MGMT: variants seen among roughly 807,000 people sequenced by gnomAD.
MGMT encodes the protein methylated-DNA--protein-cysteine methyltransferase.
In MGMT, 14 loss-of-function variants were observed where a neutral mutation model predicts 15.9. The ratio of observed to expected loss-of-function variants is 0.88; its 90% CI spans 0.58 to 1.37. The LOEUF is 1.37. Among genes scored for constraint, MGMT ranks in the 40% most tolerant of loss-of-function variants. The probability of loss-of-function intolerance (pLI) is 0.00; values close to 1 mark genes in which losing one functional copy is unlikely to be tolerated. For missense variants in MGMT, 282 were observed against 268.1 expected (o/e 1.05, Z -0.36); for synonymous variants, 130 against 118.2 (o/e 1.10, Z -0.65).
chr10:129,612,475 C>T (rs931159630), intron 2 of MGMT, among the ~76,000 whole-genome samples: 2 of 152,204 alleles, frequency 1.3e-5, no homozygotes, highest in South Asian at 2.1e-4. Context: ...TTTACAAAGT[C>T]TTGAATTAAA....
chr10:129,667,476 C>T (rs12412879), intron 2 of MGMT, among the ~76,000 whole-genome samples: 8,660 of 152,234 alleles, frequency 0.057, 349 homozygotes, highest in Admixed American at 0.12. Context: ...TTTCCAGTGT[C>T]GTGTAGTGTC....
chr10:129,685,357 C>T (rs1199075185), intron 2 of MGMT, among the ~76,000 whole-genome samples: 2 of 152,196 alleles, frequency 1.3e-5, no homozygotes, highest in Non-Finnish European at 2.9e-5. Flanking sequence ...TCCTGGCTCC[C>T]TCTGGCCAGT....
intron 3 of MGMT, among the ~76,000 whole-genome samples, chr10:129,734,961 G>C (rs1848543362): frequency 1.3e-5 from 2 of 152,174 alleles, no homozygotes; most frequent in Non-Finnish European, 2.9e-5. Flanking sequence ...GATTCGGTTT[G>C]CCAGTATTTT....
chr10:129,708,402 A>G (rs375357843), intron 3 of MGMT, among the ~76,000 whole-genome samples: 1 of 152,222 alleles, frequency 6.6e-6, no homozygotes, highest in African/African-American at 2.4e-5. Flanking sequence ...CAGCACAGAA[A>G]ACGAGACTTG....
chr10:129,625,019 C>G (rs543040194), intron 2 of MGMT, among the ~76,000 whole-genome samples: 1 of 151,986 alleles, frequency 6.6e-6, no homozygotes, highest in Non-Finnish European at 1.5e-5. Context: ...TCAAAATTCC[C>G]AGCCAAACCT....
intron 2 of MGMT, among the ~76,000 whole-genome samples, chr10:129,569,840 G>T (rs1021068706): frequency 2.6e-5 from 4 of 152,190 alleles, no homozygotes; most frequent in Non-Finnish European, 5.9e-5. Context: ...GTATTGGGAT[G>T]ATGGGGGTGT....
At chr10:129,489,054 G>A (rs1237415167) in intron 1 of MGMT, among the ~76,000 whole-genome samples, 1 of 151,758 alleles carries the variant, frequency 6.6e-6, no homozygotes, top group African/African-American at 2.4e-5. Flanking sequence ...TATAGCTTTA[G>A]GCTAACTCTT....
chr10:129,708,427 G>T (rs1404316897), intron 3 of MGMT, among the ~76,000 whole-genome samples: 1 of 152,180 alleles, frequency 6.6e-6, no homozygotes, highest in Admixed American at 6.5e-5. Context: ...TGGACATTTA[G>T]CTATTTCCAT....
chr10:129,661,529 A>AT (rs1211958817), intron 2 of MGMT, among the ~76,000 whole-genome samples: 1 of 151,954 alleles, frequency 6.6e-6, no homozygotes, highest in African/African-American at 2.4e-5. Context: ...AGCCAATTAT[A>AT]TTTTTTTCTC....
At chr10:129,628,772 G>A (rs1012521284) in intron 2 of MGMT, among the ~76,000 whole-genome samples, 2 of 152,206 alleles carry the variant, frequency 1.3e-5, no homozygotes, top group African/African-American at 4.8e-5. Flanking sequence ...TCACGGGGCT[G>A]TTAAAATACT....
In MGMT at chr10:129,707,882, C is replaced by A. The variant is rs201009706; in HGVS notation, c.126-13C>A. On this transcript the variant is annotated splice_polypyrimidine_tract_variant and intron_variant, in intron 2 of 4. Coordinates refer to ENST00000651593, the MANE Select transcript of MGMT (RefSeq NM_002412.5). The stretch of plus-strand genomic sequence containing the variant: ...CCCAGAGGTTTACTAAGCCCCTGTT[C>A]TCACTTTTGCAGTGCCGTGGAGGTC... The A allele has an allele frequency of 6.7e-5, 108 of 1,610,096 alleles. No homozygotes were observed. The highest frequency in any genetic ancestry group is 8.6e-5 in the Non-Finnish European group (102 of 1,179,954).
At chr10:129,728,773 C>T (rs953046455) in intron 3 of MGMT, among the ~76,000 whole-genome samples, 2 of 150,772 alleles carry the variant, frequency 1.3e-5, no homozygotes, top group Non-Finnish European at 1.5e-5. Context: ...GGTATTGGTT[C>T]GTCTGCTTGT....
chr10:129,470,264 A>G (rs1762434), intron 1 of MGMT, among the ~76,000 whole-genome samples: 149,514 of 152,288 alleles, frequency 0.98, 73,453 homozygotes, highest in East Asian at 1. Flanking sequence ...CCTGTCTTGG[A>G]CATAGGTAAG....
chr10:129,490,941 G>C (rs1237127961), intron 1 of MGMT, among the ~76,000 whole-genome samples: 1 of 152,186 alleles, frequency 6.6e-6, no homozygotes, highest in Non-Finnish European at 1.5e-5. Context: ...TTCCTGAATA[G>C]TAAAATACTT....
chr10:129,519,498 T>C (rs3802691), intron 1 of MGMT, among the ~76,000 whole-genome samples: 37,808 of 152,140 alleles, frequency 0.25, 5,641 homozygotes, highest in African/African-American at 0.42. Context: ...TGCGTGGCCT[T>C]GCGGTGAGAT....
intron 3 of MGMT, among the ~76,000 whole-genome samples, chr10:129,725,653 G>A (rs1335481242): frequency 1.3e-5 from 2 of 152,184 alleles, no homozygotes; most frequent in South Asian, 2.1e-4. Flanking sequence ...CCACTTCCTC[G>A]GAGGTCTGTC....
At chr10:129,615,868 G>C (rs1422984606) in intron 2 of MGMT, among the ~76,000 whole-genome samples, 1 of 152,176 alleles carries the variant, frequency 6.6e-6, no homozygotes, top group East Asian at 1.9e-4. Context: ...GCCCACGGCA[G>C]GGGGTGTGGC....
chr10:129,708,689 C>G (rs1187274939), intron 3 of MGMT, among the ~76,000 whole-genome samples: 2 of 152,198 alleles, frequency 1.3e-5, no homozygotes, highest in Non-Finnish European at 2.9e-5. Flanking sequence ...TCATTCCAGA[C>G]ACATGCCAGA....
intron 2 of MGMT, among the ~76,000 whole-genome samples, chr10:129,555,749 T>C (rs927336097): frequency 3.0e-4 from 46 of 151,996 alleles, no homozygotes; most frequent in African/African-American, 1.1e-3. Flanking sequence ...AAAGATCCTG[T>C]AAGTGAAGGG....
Sources: gnomAD v4.1 joint callset for allele counts (sites outside exome capture counted in the v4.1 genomes callset) on GRCh38, gnomAD v4.1.1 for gene constraint, MANE v1.5 for transcripts, NCBI Gene and HGNC (gene_info 2026-07-23, HGNC 2026-07-21) for gene names.